PRKN: variants seen among roughly 807,000 people sequenced by gnomAD.
PRKN encodes the protein E3 ubiquitin-protein ligase parkin.
In PRKN, 56 loss-of-function variants were observed where a neutral mutation model predicts 59.5. The ratio of observed to expected loss-of-function variants is 0.94; its 90% CI spans 0.76 to 1.18. PRKN has a LOEUF of 1.18. Among genes scored for constraint, PRKN ranks in the 50% most tolerant of loss-of-function variants. The pLI, the probability that PRKN is intolerant of heterozygous loss-of-function variation, is 0.00. For synonymous variants in PRKN, 250 were observed against 222.1 expected (o/e 1.13, Z -1.12); for missense variants, 657 against 596.4 (o/e 1.10, Z -1.06).
intron 4 of PRKN, among the ~76,000 whole-genome samples, chr6:162,094,283 AG>A (rs1354034645): frequency 6.6e-6 from 1 of 152,074 alleles, no homozygotes; most frequent in Non-Finnish European, 1.5e-5. Flanking sequence ...TGAGCCCAGG[AG>A]TTCAAGACAA....
intron 1 of PRKN, among the ~76,000 whole-genome samples, chr6:162,721,361 C>A (rs1314490284): frequency 6.6e-6 from 1 of 152,224 alleles, no homozygotes; most frequent in East Asian, 1.9e-4. Flanking sequence ...CTTTCTAGTA[C>A]TGCCACAGAC....
chr6:162,310,418 CAG>C (rs1782444774), intron 2 of PRKN, among the ~76,000 whole-genome samples: 1 of 152,118 alleles, frequency 6.6e-6, no homozygotes, highest in Non-Finnish European at 1.5e-5. Context: ...CAGAGGATGC[CAG>C]ATGCAGGGTC....
At chr6:162,726,541 C>T (rs954817075) in intron 1 of PRKN, among the ~76,000 whole-genome samples, 1 of 152,152 alleles carries the variant, frequency 6.6e-6, no homozygotes. Flanking sequence ...AAAGACCATG[C>T]CAGTTAGCTG....
chr6:161,933,077 C>T (rs998509852), intron 6 of PRKN, among the ~76,000 whole-genome samples: 1 of 151,914 alleles, frequency 6.6e-6, no homozygotes. Flanking sequence ...GTCAGGAGTT[C>T]GAGACCAGCC....
chr6:162,295,611 C>T (rs537545885), intron 2 of PRKN, among the ~76,000 whole-genome samples: 6 of 152,118 alleles, frequency 3.9e-5, no homozygotes, highest in Non-Finnish European at 2.9e-5. Context: ...AAGTATAAAA[C>T]GGAAGTATTA....
chr6:161,617,046 T>G (rs1782724289), intron 7 of PRKN, among the ~76,000 whole-genome samples: 1 of 152,198 alleles, frequency 6.6e-6, no homozygotes, highest in African/African-American at 2.4e-5. Context: ...AGCATTCCTA[T>G]TTCTCCACAT....
intron 3 of PRKN, among the ~76,000 whole-genome samples, chr6:162,245,433 C>T (rs567577044): frequency 3.2e-4 from 48 of 152,074 alleles, no homozygotes; most frequent in African/African-American, 1.2e-3. Context: ...ATACAGCTTG[C>T]TGCTTCTCAC....
chr6:161,612,085 A>G (rs556841963), intron 7 of PRKN, among the ~76,000 whole-genome samples: 2 of 152,240 alleles, frequency 1.3e-5, no homozygotes, highest in African/African-American at 4.8e-5. Flanking sequence ...GCTGCATAAC[A>G]AAAGTTTGAA....
At chr6:162,304,182 A>G (rs1419501861) in intron 2 of PRKN, among the ~76,000 whole-genome samples, 2 of 150,188 alleles carry the variant, frequency 1.3e-5, no homozygotes, top group Non-Finnish European at 3.0e-5. Context: ...TATTTAAGTG[A>G]TTGAAGGTCG....
At chr6:162,596,454 T>A (rs1459491325) in intron 1 of PRKN, among the ~76,000 whole-genome samples, 1 of 152,206 alleles carries the variant, frequency 6.6e-6, no homozygotes, top group Non-Finnish European at 1.5e-5. Flanking sequence ...GATAAGTAGA[T>A]CAATATTATA....
rs1780358857 is a variant in PRKN at position 162,572,135 on chromosome 6, C to T, written c.8-128662G>A. 1.3e-5 allele frequency among the ~76,000 whole-genome samples: 2 copies of T among 152,162 alleles called. 1 individual carries two copies. Among genetic ancestry groups the T allele is most frequent in the South Asian group, 4.1e-4 (2 of 4,830 alleles). ...CTATTACCCCCTTTAGGTACTGTCTCACCTGTCCCAAATGTGTCTTTGAAT... is the reference window on the plus strand; with the variant it reads ...CTATTACCCCCTTTAGGTACTGTCTTACCTGTCCCAAATGTGTCTTTGAAT... On this transcript the variant is annotated intron_variant, in intron 1 of 11. Coordinates refer to ENST00000366898, the MANE Select transcript of PRKN (RefSeq NM_004562.3).
intron 5 of PRKN, among the ~76,000 whole-genome samples, chr6:162,011,321 TA>T (rs371030130): frequency 2.2e-4 from 4 of 17,974 alleles, no homozygotes; most frequent in African/African-American, 2.7e-4. Flanking sequence ...TATATTTTTA[TA>T]ATATATATAA....
At chr6:162,152,196 A>C (rs1439373656) in intron 4 of PRKN, among the ~76,000 whole-genome samples, 1 of 152,170 alleles carries the variant, frequency 6.6e-6, no homozygotes, top group Non-Finnish European at 1.5e-5. Context: ...AATGCAAGCA[A>C]CCCTGGGGGA....
chr6:162,691,417 T>C (rs1394747036), intron 1 of PRKN, among the ~76,000 whole-genome samples: 1 of 152,136 alleles, frequency 6.6e-6, no homozygotes, highest in Non-Finnish European at 1.5e-5. Context: ...TGCCAACTTT[T>C]TGCATAATTT....
chr6:162,092,804 A>G (rs1300127529), intron 4 of PRKN, among the ~76,000 whole-genome samples: 3 of 152,220 alleles, frequency 2.0e-5, no homozygotes, highest in African/African-American at 4.8e-5. Context: ...TTAAAAAATA[A>G]ACATTCGGAT....
chr6:161,927,706 C>A (rs1477575716), intron 6 of PRKN, among the ~76,000 whole-genome samples: 1 of 151,250 alleles, frequency 6.6e-6, no homozygotes, highest in Non-Finnish European at 1.5e-5. Context: ...ACTTGGGAGG[C>A]GGAAGTTGCA....
Position 161,348,282 on chromosome 6 carries a change from G to A in PRKN, c.*1817C>T, listed in dbSNP as rs1163364736. On this transcript the variant is annotated 3_prime_UTR_variant, in exon 12 of 12. Coordinates refer to ENST00000366898, the MANE Select transcript of PRKN (RefSeq NM_004562.3). The surrounding 1 kb of genome is among the most constrained non-coding windows in gnomAD (Gnocchi z 4.9). ...CAGGGTCTGGACTCAGTATGGACAC[G>A]AGCCACTGGGTGCAGGGGGCTCATG... The A allele has an allele frequency of 3.0e-5, 6 of 202,994 alleles. No individual in the cohort carries two copies. The highest frequency in any genetic ancestry group is 6.0e-5 in the Admixed American group (1 of 16,650). 12.6% of individuals were successfully genotyped at this position (202,994 alleles called of 1,614,324 possible).
At chr6:162,408,960 TC>T (rs1788209555) in intron 2 of PRKN, among the ~76,000 whole-genome samples, 2 of 141,228 alleles carry the variant, frequency 1.4e-5, no homozygotes, top group Non-Finnish European at 3.1e-5. Flanking sequence ...TCTCCTCCCC[TC>T]CCCGCTCCTT....
At chr6:162,383,617 A>T (rs1039590157) in intron 2 of PRKN, among the ~76,000 whole-genome samples, 2 of 152,220 alleles carry the variant, frequency 1.3e-5, no homozygotes, top group Non-Finnish European at 2.9e-5. Flanking sequence ...AGAATGGTAA[A>T]TGAGCATTAG....
Sources: gnomAD v4.1 joint callset for allele counts (sites outside exome capture counted in the v4.1 genomes callset) on GRCh38, gnomAD v4.1.1 for gene constraint, Gnocchi (gnomAD v3.1) non-coding constraint, MANE v1.5 for transcripts, NCBI Gene and HGNC (gene_info 2026-07-23, HGNC 2026-07-21) for gene names.